Variants in MGMT observed in about 807,000 individuals in gnomAD.
MGMT encodes methylated-DNA--protein-cysteine methyltransferase.
MGMT carries 14 observed loss-of-function variants against 15.9 expected under a neutral mutation model. That is an observed-to-expected ratio of 0.88 (90% CI 0.58 to 1.37). The LOEUF (loss-of-function observed/expected upper bound fraction) is 1.37. Ranked by LOEUF, MGMT falls within the 40% of genes most tolerant of loss-of-function variation. MGMT has a pLI of 0.00. For synonymous variants in MGMT, 130 were observed against 118.2 expected, an observed-to-expected ratio of 1.10 and a Z score of -0.65; for missense variants, 282 against 268.1, an observed-to-expected ratio of 1.05 and a Z score of -0.36.
intron 2 of MGMT, among the ~76,000 whole-genome samples, chr10:129,618,134 C>T (rs887758986): frequency 6.6e-6 from 1 of 152,108 alleles, no homozygotes; most frequent in Non-Finnish European, 1.5e-5. Flanking sequence ...GGAAAAGAAA[C>T]TAGATTTACT....
chr10:129,546,152 G>A (rs1448460511), intron 2 of MGMT, among the ~76,000 whole-genome samples: 1 of 152,238 alleles, frequency 6.6e-6, no homozygotes, highest in African/African-American at 2.4e-5. Flanking sequence ...CCTGCTCCGT[G>A]TCAGACCAGA....
chr10:129,747,116 T>C (rs566605692), intron 3 of MGMT, among the ~76,000 whole-genome samples: 5 of 152,320 alleles, frequency 3.3e-5, no homozygotes, highest in Non-Finnish European at 5.9e-5. Flanking sequence ...AGAAAGGTGA[T>C]TGATTTTTAT....
At chr10:129,701,284 C>T (rs370279441) in intron 2 of MGMT, 1 of 152,176 alleles carries the variant, frequency 6.6e-6, no homozygotes, top group African/African-American at 2.4e-5. Context: ...CATTCCCAGA[C>T]CATAAGATGA....
intron 3 of MGMT, among the ~76,000 whole-genome samples, chr10:129,727,564 C>T (rs1289247235): frequency 1.3e-5 from 2 of 152,226 alleles, no homozygotes; most frequent in Admixed American, 1.3e-4. Context: ...ATGTGAGGCA[C>T]TCCCCAGTAG....
At position 129,575,230 on chromosome 10, in the gene MGMT, C is replaced by CT. The variant is rs539508731; in HGVS notation, c.125+38861dup. On this transcript the variant is annotated intron_variant, in intron 2 of 4. Transcript: ENST00000651593. ...CTCCACCCCAAATCAACAGAATATACTTTTTTTTCAGCACCACACCACACC... is the reference window on the plus strand; with the variant it reads ...CTCCACCCCAAATCAACAGAATATACTTTTTTTTTCAGCACCACACCACACC... Among the ~76,000 whole-genome samples, 934 of 152,174 alleles carry CT rather than the reference C, an allele frequency of 6.1e-3. 10 individuals carry two copies. Among genetic ancestry groups the CT allele is most frequent in the Non-Finnish European group, 6.9e-3 (469 of 68,004 alleles).
At chr10:129,569,075 C>A (rs1439298980) in intron 2 of MGMT, among the ~76,000 whole-genome samples, 1 of 152,210 alleles carries the variant, frequency 6.6e-6, no homozygotes, top group Non-Finnish European at 1.5e-5. Flanking sequence ...TGGGCTTTAG[C>A]GTCAGACAGC....
intron 2 of MGMT, among the ~76,000 whole-genome samples, chr10:129,679,340 G>T (rs902855772): frequency 6.6e-6 from 1 of 151,548 alleles, no homozygotes; most frequent in Non-Finnish European, 1.5e-5. Flanking sequence ...ACTGGCGTGA[G>T]GTCCGAGTCG....
intron 2 of MGMT, among the ~76,000 whole-genome samples, chr10:129,559,889 T>G (rs1338213964): frequency 6.6e-6 from 1 of 152,232 alleles, no homozygotes; most frequent in Non-Finnish European, 1.5e-5. Context: ...AGCAGAATAC[T>G]TATGCTGCAG....
chr10:129,756,057 G>A (rs1053011839), intron 3 of MGMT, among the ~76,000 whole-genome samples: 2 of 152,204 alleles, frequency 1.3e-5, no homozygotes, highest in Non-Finnish European at 2.9e-5. Context: ...GACACAAAAC[G>A]ATTTCTCCCG....
chr10:129,733,631 G>A (rs1174723547), intron 3 of MGMT, among the ~76,000 whole-genome samples: 1 of 152,036 alleles, frequency 6.6e-6, no homozygotes, highest in Admixed American at 6.5e-5. Flanking sequence ...TGAAGTCCTT[G>A]CCCATGCCTA....
chr10:129,471,734 A>G (rs1393297357), intron 1 of MGMT, among the ~76,000 whole-genome samples: 1 of 152,038 alleles, frequency 6.6e-6, no homozygotes, highest in Non-Finnish European at 1.5e-5. Flanking sequence ...ATGCCAGGGG[A>G]TTCTGGCAGA....
At position 129,659,622 on chromosome 10, in the gene MGMT, A is replaced by G. The variant is rs1847573286; in HGVS notation, c.126-48273A>G. ...GCAAATTGAGGGGTGAGGAAGTAGC[A>G]TGTACAAAGGCCCTGAAGATGAATG... On this transcript the variant is annotated intron_variant, in intron 2 of 4. Transcript: ENST00000651593. This position sits in a 1 kb window ranked among gnomAD's most constrained non-coding sequence, Gnocchi z 4.1. Among the ~76,000 whole-genome samples, 2 of 152,224 alleles carry G rather than the reference A, an allele frequency of 1.3e-5. No individual in the cohort carries two copies. Among genetic ancestry groups the G allele is most frequent in the South Asian group, 2.1e-4 (1 of 4,820 alleles).
intron 3 of MGMT, among the ~76,000 whole-genome samples, chr10:129,736,624 T>TG (rs1435775277): frequency 6.6e-6 from 1 of 152,108 alleles, no homozygotes; most frequent in Non-Finnish European, 1.5e-5. Context: ...CTGGTTATTT[T>TG]GCTCGTTAGT....
At chr10:129,467,494 T>C (rs1236425254) in intron 1 of MGMT, 198 bp downstream of exon 1, 1 of 910,402 alleles carries the variant, frequency 1.1e-6, no homozygotes, top group Non-Finnish European at 1.3e-6. Context: ...GGGCCTGGGG[T>C]TCCTGGACTA....
rs910489285 is a variant in MGMT, at chr10:129,770,787, G to T, written c.*3790G>T. Among the ~76,000 whole-genome samples, 1 of 152,208 alleles carries T rather than the reference G, an allele frequency of 6.6e-6. No homozygotes were observed. Among genetic ancestry groups the T allele is most frequent in the Non-Finnish European group, 1.5e-5 (1 of 68,036 alleles). ...CCCTTGCTTCGGCCACAGCTGCTGG[G>T]ATGTCCTCGGGCCTCCCCTGTTTGT... On this transcript the variant is annotated 3_prime_UTR_variant, in exon 5 of 5. Transcript: ENST00000651593.
At chr10:129,664,806 A>G (rs892861907) in intron 2 of MGMT, among the ~76,000 whole-genome samples, 4 of 152,196 alleles carry the variant, frequency 2.6e-5, no homozygotes, top group Non-Finnish European at 5.9e-5. Flanking sequence ...CAGGCACTTC[A>G]CCAAAGAATG....
chr10:129,545,786 G>C (rs1846092018), intron 2 of MGMT, among the ~76,000 whole-genome samples: 1 of 152,150 alleles, frequency 6.6e-6, no homozygotes, highest in Non-Finnish European at 1.5e-5. Flanking sequence ...CTAATGAATA[G>C]TTTTCAGTTT....
chr10:129,477,944 A>G (rs1845313937), intron 1 of MGMT, among the ~76,000 whole-genome samples: 1 of 152,234 alleles, frequency 6.6e-6, no homozygotes, highest in African/African-American at 2.4e-5. Context: ...ATCCCAAAAG[A>G]TATGAGTGTA....
intron 2 of MGMT, among the ~76,000 whole-genome samples, chr10:129,657,728 C>CG (rs1554874807): frequency 7.3e-6 from 1 of 136,072 alleles, no homozygotes; most frequent in South Asian, 2.3e-4. Flanking sequence ...CACACACACA[C>CG]CCCCTCTCCC....
Sources: allele counts gnomAD v4.1 joint callset (sites outside exome capture counted in the v4.1 genomes callset), GRCh38; gene constraint gnomAD v4.1.1; non-coding constraint Gnocchi (gnomAD v3.1); transcripts MANE v1.5; gene names NCBI Gene and HGNC (gene_info 2026-07-23, HGNC 2026-07-21).